Variants in RBPJL observed in about 807,000 individuals in gnomAD.
RBPJL encodes the protein recombination signal binding protein for immunoglobulin kappa J region like, also known as recombining binding protein suppressor of hairless-like protein.
In RBPJL, 50 loss-of-function variants were observed where a neutral mutation model predicts 57.6. The ratio of observed to expected loss-of-function variants is 0.87; its 90% CI spans 0.69 to 1.10. RBPJL has a LOEUF of 1.10. RBPJL is among the 50% of genes least tolerant of loss of function. RBPJL has a pLI of 0.00. For synonymous variants in RBPJL, 303 were observed against 294.4 expected, an observed-to-expected ratio of 1.03 and a Z score of -0.30; for missense variants, 684 against 693.7, an observed-to-expected ratio of 0.99 and a Z score of 0.16.
At chr20:45,311,486 A>T in intron 3 of RBPJL, 103 bp from the exon 4 acceptor site, 4 of 1,039,778 alleles carry the variant, frequency 3.8e-6, no homozygotes, top group Admixed American at 2.0e-5. Context: ...GAGCGGGAGG[A>T]GGAAACGAAG....
chr20:45,309,607 C>T lies in RBPJL; in HGVS notation c.172C>T (p.Arg58Cys), dbSNP rs911393889. ...EHTTILRGGV[R>C]RCLQQQCEQT... ...CACCACCATTCTGAGGGGAGGCGTG[C>T]GCAGGTGCCTGCAGCAACAGTGTGA... Residue 58 changes from arginine to cysteine, a missense_variant, in exon 3 of 12, where the codon CGC becomes TGC. By Grantham distance (180) the Arg-to-Cys change is radical. Transcript: ENST00000343694. 1.3e-5 allele frequency: 21 copies of T among 1,613,270 alleles called. No individual in the cohort carries two copies. Among genetic ancestry groups the T allele is most frequent in the Middle Eastern group, 1.7e-4 (1 of 6,058 alleles).
Position 45,317,088 on chromosome 20 carries a change from T to G in RBPJL, c.*129T>G. The G allele has an allele frequency of 8.4e-7, 1 of 1,190,244 alleles. No homozygotes were observed. The highest frequency in any genetic ancestry group is 1.2e-6 in the Non-Finnish European group (1 of 855,182). 73.7% of individuals were successfully genotyped at this position (1,190,244 alleles called of 1,614,324 possible). A position where few individuals can be genotyped will look rare whatever the true frequency, so the allele number is the denominator to read the frequency against. ...CAGAAGGGCAGCTGAAGGCTCACCC[T>G]AGAAACCGGGCCTGGTGGGTCTTAC... On this transcript the variant is annotated 3_prime_UTR_variant, in exon 12 of 12. Coordinates refer to ENST00000343694, the MANE Select transcript of RBPJL (RefSeq NM_014276.4).
In RBPJL at chr20:45,316,788, C is replaced by T. The variant is rs1170757720; in HGVS notation, c.1383C>T (p.Arg461=). Residue 461 remains arginine (R), a synonymous_variant, in exon 12 of 12, where the codon CGC becomes CGT. Coordinates refer to ENST00000343694, the MANE Select transcript of RBPJL (RefSeq NM_014276.4). ...APITIPMSLV[R]ADGLFYPSAF... ...TCACAATCCCCATGAGCCTGGTGCG[C>T]GCCGACGGGCTCTTCTACCCTAGTG... 2 of 1,613,916 alleles carry T rather than the reference C, an allele frequency of 1.2e-6. No individual in the cohort carries two copies. The highest frequency in any genetic ancestry group is 2.2e-5 in the South Asian group (2 of 91,090).
chr20:45,313,482 G>A lies in RBPJL; in HGVS notation c.634G>A (p.Gly212Ser), dbSNP rs144493124. 7.1e-5 allele frequency: 115 copies of A among 1,612,096 alleles called. No individual in the cohort carries two copies. Among genetic ancestry groups the A allele is most frequent in the Non-Finnish European group, 8.9e-5 (105 of 1,179,358 alleles). Residue 212 changes from glycine (G) to serine (S), a missense_variant, in exon 7 of 12, where the codon GGC becomes AGC. Coordinates refer to ENST00000343694, the MANE Select transcript of RBPJL (RefSeq NM_014276.4). ...CACCCTCACAGTGTGCATATCCTCC[G>A]GCTCAAAGGTCTCCCTCTTCAACCG... ...LKNTDLCISS[G>S]SKVSLFNRLR...
At chr20:45,312,827 CAAAAAAA>C (rs749039599) in intron 6 of RBPJL, among the ~76,000 whole-genome samples, 103 of 84,792 alleles carry the variant, frequency 1.2e-3, no homozygotes, top group Middle Eastern at 7.4e-3. Context: ...TTGTCTGTAC[CAAAAAAA>C]AAAAAAAAAA....
rs1307582063 is a variant in RBPJL, at chr20:45,316,524, C to T, written c.1224C>T (p.Asn408=). The change falls in exon 11 of 12, where the codon AAC becomes AAT. Residue 408 remains asparagine (N), a synonymous_variant. Transcript: ENST00000343694. ...DVATLELHGE[N]FHAGLKVWFG... ...CCACGCTGGAGCTCCACGGAGAGAA[C>T]TTCCACGCGGGGCTCAAGGTGTGGT... 1.9e-6 allele frequency: 3 copies of T among 1,542,450 alleles called. No individual in the cohort carries two copies. Among genetic ancestry groups the T allele is most frequent in the African/African-American group, 1.4e-5 (1 of 72,354 alleles).
intron 9 of RBPJL, among the ~76,000 whole-genome samples, chr20:45,315,131 T>TA (rs1176313338): frequency 3.3e-5 from 5 of 151,856 alleles, no homozygotes; most frequent in African/African-American, 1.2e-4. Flanking sequence ...AGGATGTAAA[T>TA]AAAAATCATG....
intron 2 of RBPJL, among the ~76,000 whole-genome samples, chr20:45,309,173 A>G (rs1987004996): frequency 6.6e-6 from 1 of 151,400 alleles, no homozygotes; most frequent in East Asian, 2.0e-4. Context: ...CTTCATCTCT[A>G]CCAATTCCAT....
intron 9 of RBPJL, among the ~76,000 whole-genome samples, chr20:45,315,271 A>G (rs1987394992): frequency 6.6e-6 from 1 of 152,152 alleles, no homozygotes; most frequent in African/African-American, 2.4e-5. Context: ...CCAAAAGAAT[A>G]TTATCATAGA....
In RBPJL at chr20:45,315,483, G is replaced by T. The variant is rs114686205; in HGVS notation, c.1021-704G>T. On this transcript the variant is annotated intron_variant, in intron 9 of 11. Coordinates refer to ENST00000343694, the MANE Select transcript of RBPJL (RefSeq NM_014276.4). ...CAGGCCGGGCCAATGGCTCATGCCT[G>T]TAGTCACAATACTTTGGGAGGCTGA... Among the ~76,000 whole-genome samples, 937 of 152,180 alleles carry T rather than the reference G, an allele frequency of 6.2e-3. 7 individuals are homozygous for T. The highest frequency in any genetic ancestry group is 0.021 in the African/African-American group (865 of 41,542).
At chr20:45,311,114 C>T (rs1437922219) in intron 3 of RBPJL, among the ~76,000 whole-genome samples, 1 of 102,650 alleles carries the variant, frequency 9.7e-6, no homozygotes, top group African/African-American at 4.4e-5. Flanking sequence ...AAGACCCTGC[C>T]TCAAAAAAAA....
Position 45,308,270 on chromosome 20 carries a change from C to T in RBPJL, c.131+19C>T, listed in dbSNP as rs1241125092. ...GGACCAGGTAACGGCGGCGTGGCAG[C>T]GTGCCCTAGGTGGGGACTGCCAGGC... On this transcript the variant is annotated intron_variant, in intron 2 of 11. Transcript: ENST00000343694. The T allele has an allele frequency of 1.3e-6, 2 of 1,542,742 alleles. No individual in the cohort carries two copies. The highest frequency in any genetic ancestry group is 1.7e-5 in the Admixed American group (1 of 59,820).
Position 45,316,948 on chromosome 20 carries a change from A to C in RBPJL, c.1543A>C (p.Ile515Leu), listed in dbSNP as rs769342667. The change falls in exon 12 of 12, where the codon ATC (isoleucine) becomes CTC (leucine). Residue 515 changes from isoleucine to leucine, a missense_variant. Transcript: ENST00000343694. ...EFTRTNFHLF[I>L]QT The stretch of plus-strand genomic sequence containing the variant: ...CACGCGCACCAACTTCCACCTCTTC[A>C]TCCAGACTTAGGCGCGCCCGGTAGC... 4 of 1,611,664 alleles carry C rather than the reference A, an allele frequency of 2.5e-6. No individual in the cohort carries two copies. The highest frequency in any genetic ancestry group is 2.2e-5 in the East Asian group (1 of 44,790).
intron 6 of RBPJL, 21 bp from the exon 7 acceptor site, chr20:45,313,447 C>A: frequency 6.3e-7 from 1 of 1,598,838 alleles, no homozygotes; most frequent in Non-Finnish European, 8.5e-7. Context: ...CTCACCCTAA[C>A]CCTGACCCTC....
In RBPJL at chr20:45,314,582, A is replaced by G. The variant is rs1182316640; in HGVS notation, c.1020+17A>G. ...CAATTTCAGGTAAGAAGCAGAGAAT[A>G]CCAGCACCAAGTGTCCTGGAAAGGG... On this transcript the variant is annotated intron_variant, in intron 9 of 11. Coordinates refer to ENST00000343694, the MANE Select transcript of RBPJL (RefSeq NM_014276.4). The G allele has an allele frequency of 6.2e-7, 1 of 1,607,724 alleles. No individual in the cohort carries two copies. Among genetic ancestry groups the G allele is most frequent in the East Asian group, 2.2e-5 (1 of 44,710 alleles).
Position 45,317,038 on chromosome 20 carries a change from GC to G in RBPJL, c.*82del. ...GCGGGGACGTGTTTCTGGGTTCTAG[GC>G]CCTGCTTCCTTGCCCCTTTGCTGCA... On this transcript the variant is annotated 3_prime_UTR_variant, in exon 12 of 12. Coordinates refer to ENST00000343694, the MANE Select transcript of RBPJL (RefSeq NM_014276.4). The G allele has an allele frequency of 6.7e-7, 1 of 1,499,050 alleles. No individual in the cohort carries two copies. Among genetic ancestry groups the G allele is most frequent in the Non-Finnish European group, 8.9e-7 (1 of 1,117,438 alleles). 92.9% of individuals were successfully genotyped at this position (1,499,050 alleles called of 1,614,324 possible). A position where few individuals can be genotyped will look rare whatever the true frequency, so the allele number is the denominator to read the frequency against.
chr20:45,316,174 G>T lies in RBPJL; in HGVS notation c.1021-13G>T. The T allele has an allele frequency of 6.2e-7, 1 of 1,610,450 alleles. No individual in the cohort carries two copies. Among genetic ancestry groups the T allele is most frequent in the Non-Finnish European group, 8.5e-7 (1 of 1,176,970 alleles). ...GAGAAGCTTCGGCCTCGTCCCCTTGGGTCTCCTCCCAGGCCTCTCCCTGCC... is the reference window on the plus strand; with the variant it reads ...GAGAAGCTTCGGCCTCGTCCCCTTGTGTCTCCTCCCAGGCCTCTCCCTGCC... On this transcript the variant is annotated splice_polypyrimidine_tract_variant and intron_variant, in intron 9 of 11. Coordinates refer to ENST00000343694, the MANE Select transcript of RBPJL (RefSeq NM_014276.4).
At chr20:45,313,123 T>C (rs905876310) in intron 6 of RBPJL, among the ~76,000 whole-genome samples, 1 of 152,044 alleles carries the variant, frequency 6.6e-6, no homozygotes, top group Non-Finnish European at 1.5e-5. Flanking sequence ...AAAACAGCTG[T>C]GAACTGGGAA....
chr20:45,312,998 A>G (rs1987264962), intron 6 of RBPJL, among the ~76,000 whole-genome samples: 1 of 139,958 alleles, frequency 7.1e-6, no homozygotes, highest in South Asian at 2.2e-4. Flanking sequence ...ACAGGGTGAG[A>G]TGCTATCTCA....
Sources: gnomAD v4.1 joint callset for allele counts (sites outside exome capture counted in the v4.1 genomes callset) on GRCh38, gnomAD v4.1.1 for gene constraint, MANE v1.5 for transcripts, NCBI Gene and HGNC (gene_info 2026-07-23, HGNC 2026-07-21) for gene names.